Variants in EPHA3 observed in about 807,000 individuals in gnomAD.
The protein encoded by EPHA3 is EPH receptor A3.
A neutral mutation model predicts 107.1 loss-of-function variants in EPHA3; 42 were observed. The observed-to-expected ratio is 0.39, with a 90% confidence interval of 0.31 to 0.51. The LOEUF (loss-of-function observed/expected upper bound fraction) is 0.51. Among genes scored for constraint, EPHA3 ranks in the 20% least tolerant of loss-of-function variants. The pLI, the probability that EPHA3 is intolerant of heterozygous loss-of-function variation, is 0.78. For missense variants in EPHA3, 1,183 were observed against 1,211.2 expected (o/e 0.98, Z 0.35); for synonymous variants, 461 against 424.8 (o/e 1.09, Z -1.05).
intron 2 of EPHA3, among the ~76,000 whole-genome samples, chr3:89,143,804 C>T (rs2107022701): frequency 6.6e-6 from 1 of 151,620 alleles, no homozygotes; most frequent in South Asian, 2.1e-4. Context: ...AGGATCCAAT[C>T]CAGGGTATCA....
intron 2 of EPHA3, among the ~76,000 whole-genome samples, chr3:89,161,174 T>C (rs187667692): frequency 6.6e-6 from 1 of 152,202 alleles, no homozygotes; most frequent in East Asian, 1.9e-4. Flanking sequence ...TTGATTTCCC[T>C]GGATCACACT....
At chr3:89,345,988 G>A (rs1707643168) in intron 5 of EPHA3, among the ~76,000 whole-genome samples, 2 of 146,584 alleles carry the variant, frequency 1.4e-5, no homozygotes. Flanking sequence ...TGGTGTATAT[G>A]TGCCACATTT....
At chr3:89,312,055 A>T (rs185695663) in intron 3 of EPHA3, among the ~76,000 whole-genome samples, 22 of 152,150 alleles carry the variant, frequency 1.4e-4, no homozygotes, top group Non-Finnish European at 2.9e-4. Flanking sequence ...AGAAGTATAG[A>T]ACCTATATAG....
intron 5 of EPHA3, among the ~76,000 whole-genome samples, chr3:89,382,771 G>A (rs1466200662): frequency 6.6e-6 from 1 of 152,154 alleles, no homozygotes; most frequent in Non-Finnish European, 1.5e-5. Flanking sequence ...TTGCTTGCTG[G>A]AAGTTAAGAG....
At chr3:89,239,223 C>T (rs1420584533) in intron 3 of EPHA3, among the ~76,000 whole-genome samples, 2 of 152,148 alleles carry the variant, frequency 1.3e-5, no homozygotes, top group African/African-American at 4.8e-5. Context: ...GAAGATTGCA[C>T]TGCTCAAAGT....
At chr3:89,183,561 A>G (rs555253871) in intron 2 of EPHA3, among the ~76,000 whole-genome samples, 2 of 152,044 alleles carry the variant, frequency 1.3e-5, no homozygotes, top group South Asian at 2.1e-4. Context: ...ATTATTGCCT[A>G]AAGTTCTGAA....
intron 14 of EPHA3, among the ~76,000 whole-genome samples, chr3:89,449,865 C>A (rs895168004): frequency 1.3e-5 from 2 of 152,084 alleles, no homozygotes; most frequent in African/African-American, 4.8e-5. Context: ...AACTATATAA[C>A]CAAATAATAA....
At chr3:89,214,999 T>C (rs1250181777) in intron 3 of EPHA3, among the ~76,000 whole-genome samples, 1 of 151,906 alleles carries the variant, frequency 6.6e-6, no homozygotes, top group Non-Finnish European at 1.5e-5. Flanking sequence ...CGAGTTTAGT[T>C]AGTTGGAAAG....
At chr3:89,120,689 T>A (rs1288434896) in intron 1 of EPHA3, among the ~76,000 whole-genome samples, 1 of 152,164 alleles carries the variant, frequency 6.6e-6, no homozygotes, top group Non-Finnish European at 1.5e-5. Flanking sequence ...AAACACAGAC[T>A]CATCTTATTG....
At chr3:89,450,453 C>T in intron 15 of EPHA3, 83 bp downstream of exon 15, 1 of 1,336,530 alleles carries the variant, frequency 7.5e-7, no homozygotes, top group Non-Finnish European at 1.0e-6. Context: ...TTAGCCCACC[C>T]CCAAAATGCA....
chr3:89,425,520 T>G (rs1207721745), intron 11 of EPHA3, among the ~76,000 whole-genome samples: 1 of 150,914 alleles, frequency 6.6e-6, no homozygotes, highest in Non-Finnish European at 1.5e-5. Flanking sequence ...CTTTTGAAAA[T>G]AAGACATAGA....
At chr3:89,367,876 G>A (rs548376656) in intron 5 of EPHA3, among the ~76,000 whole-genome samples, 1 of 150,724 alleles carries the variant, frequency 6.6e-6, no homozygotes, top group South Asian at 2.1e-4. Context: ...CTCCCATAGG[G>A]CTACAGAATC....
rs756134991 is a variant in EPHA3 at position 89,413,203 on chromosome 3, G to A, written c.1825G>A (p.Val609Ile). The change falls in exon 10 of 17, where the codon GTT (valine) becomes ATT (isoleucine). Residue 609 changes from valine (V) to isoleucine (I), a missense_variant. Physicochemically the swap from Val to Ile is conservative, Grantham distance 29. Coordinates refer to ENST00000336596, the MANE Select transcript of EPHA3 (RefSeq NM_005233.6). ...PHTYEDPTQA[V>I]HEFAKELDAT... ...TACATATGAAGACCCTACCCAAGCT[G>A]TTCATGAGTTTGCCAAGGAATTGGA... The A allele has an allele frequency of 6.2e-6, 10 of 1,611,870 alleles. No individual in the cohort carries two copies. In the South Asian group the frequency reaches 8.8e-5, roughly 14 times the overall value.
chr3:89,312,493 GT>G (rs905653447), intron 3 of EPHA3, among the ~76,000 whole-genome samples: 1 of 150,492 alleles, frequency 6.6e-6, no homozygotes, highest in African/African-American at 2.4e-5. Context: ...TTTTGCCTCA[GT>G]TTTTTCCGTT....
intron 1 of EPHA3, among the ~76,000 whole-genome samples, chr3:89,115,484 C>T (rs1707230678): frequency 6.6e-6 from 1 of 152,030 alleles, no homozygotes; most frequent in Non-Finnish European, 1.5e-5. Flanking sequence ...GCTGTGCTAT[C>T]GAGATAGCTT....
intron 2 of EPHA3, among the ~76,000 whole-genome samples, chr3:89,208,836 G>A (rs1374063853): frequency 6.6e-6 from 1 of 152,110 alleles, no homozygotes; most frequent in African/African-American, 2.4e-5. Flanking sequence ...AAGTTTTTGC[G>A]TAAGTAACAG....
At chr3:89,250,792 G>A (rs1356750225) in intron 3 of EPHA3, among the ~76,000 whole-genome samples, 2 of 152,142 alleles carry the variant, frequency 1.3e-5, no homozygotes, top group African/African-American at 2.4e-5. Context: ...TATTTTTAAA[G>A]TATTTTATGT....
rs537005001 is a variant in EPHA3, at chr3:89,110,176, T to A, written c.88+2340T>A. Among the ~76,000 whole-genome samples, 9 of 152,090 alleles carry A rather than the reference T, an allele frequency of 5.9e-5. No homozygotes were observed. The South Asian group carries it at 1.9e-3, about 32-fold the overall frequency. On this transcript the variant is annotated intron_variant, in intron 1 of 16. Transcript: ENST00000336596. ...AATTTTGAAATATGAAATACTAGAC[T>A]GTATTTAAAATATTATGATTGAAAT...
intron 2 of EPHA3, among the ~76,000 whole-genome samples, chr3:89,141,596 A>C (rs2107017273): frequency 6.6e-6 from 1 of 151,724 alleles, no homozygotes; most frequent in African/African-American, 2.4e-5. Context: ...TGCTTGTCCA[A>C]AGATCACACT....
Sources: gnomAD v4.1 joint callset for allele counts (sites outside exome capture counted in the v4.1 genomes callset) on GRCh38, gnomAD v4.1.1 for gene constraint, MANE v1.5 for transcripts, NCBI Gene and HGNC (gene_info 2026-07-23, HGNC 2026-07-21) for gene names.